MLXIP: variants seen among roughly 807,000 people sequenced by gnomAD.
MLXIP encodes the protein MLX interacting protein, also known as MLX-interacting protein.
A neutral mutation model predicts 87.2 loss-of-function variants in MLXIP; 30 were observed. The observed-to-expected ratio is 0.34, with a 90% CI of 0.26 to 0.47. MLXIP has a LOEUF of 0.47. MLXIP is among the 20% of genes least tolerant of loss of function. The pLI is 1.00. For synonymous variants in MLXIP, 530 were observed against 514.0 expected (o/e 1.03, Z -0.42); for missense variants, 1,002 against 1,240.1 (o/e 0.81, Z 2.88).
rs1222367319 is a variant in MLXIP at position 122,130,837 on chromosome 12, C to A, written c.911-7C>A. 1 of 1,608,382 alleles carries A rather than the reference C, an allele frequency of 6.2e-7. No individual in the cohort carries two copies. On this transcript the variant is annotated splice_polypyrimidine_tract_variant and splice_region_variant and intron_variant, in intron 6 of 16. Coordinates refer to ENST00000319080, the MANE Select transcript of MLXIP (RefSeq NM_014938.6). ...CAAAATGGTTCCTCTCTCTGTGATT[C>A]TTGCAGCACATCTGGGAAATGCAGA...
At chr12:122,080,592 T>C (rs1014565079) in intron 1 of MLXIP, among the ~76,000 whole-genome samples, 1 of 152,188 alleles carries the variant, frequency 6.6e-6, no homozygotes. Flanking sequence ...TCTTGAAGGT[T>C]TCCCTGATGA....
chr12:122,083,448 CA>C (rs1195676973), intron 1 of MLXIP, among the ~76,000 whole-genome samples: 1 of 151,152 alleles, frequency 6.6e-6, no homozygotes, highest in African/African-American at 2.4e-5. Context: ...GAGTTTCGCT[CA>C]TGTTGCCCAG....
chr12:122,099,216 AG>A (rs1251178788), intron 1 of MLXIP, among the ~76,000 whole-genome samples: 1 of 152,216 alleles, frequency 6.6e-6, no homozygotes, highest in Non-Finnish European at 1.5e-5. Context: ...CAGCTGGCCT[AG>A]GCAACAGAGC....
chr12:122,082,262 G>A (rs555417439), intron 1 of MLXIP, among the ~76,000 whole-genome samples: 5 of 152,362 alleles, frequency 3.3e-5, no homozygotes, highest in East Asian at 3.9e-4. Flanking sequence ...GCCCTGTGGC[G>A]AAGGGTCTTG....
chr12:122,081,622 G>A (rs1952092239), intron 1 of MLXIP, among the ~76,000 whole-genome samples: 1 of 152,078 alleles, frequency 6.6e-6, no homozygotes, highest in Non-Finnish European at 1.5e-5. Flanking sequence ...AGGAGTTCAA[G>A]ATCAGCCTGG....
intron 1 of MLXIP, among the ~76,000 whole-genome samples, chr12:122,095,024 TTG>T (rs1952329019): frequency 1.5e-5 from 2 of 129,750 alleles, no homozygotes; most frequent in Admixed American, 7.9e-5. Context: ...TGTTGGTGTG[TTG>T]TGTGTGTGGG....
chr12:122,138,895 A>T lies in MLXIP; in HGVS notation c.2465A>T (p.Glu822Val). The T allele has an allele frequency of 6.2e-7, 1 of 1,614,060 alleles. No homozygotes were observed. The highest frequency in any genetic ancestry group is 8.5e-7 in the Non-Finnish European group (1 of 1,179,900). The stretch of plus-strand genomic sequence containing the variant: ...GATCACATGAAAGACATGTTTGACG[A>T]ATACGTGAAAACCCGGACCTTGCAG... ...QFDHMKDMFDEYVKTRTLQNW... is the reference protein window; with the variant it reads ...QFDHMKDMFDVYVKTRTLQNW... Residue 822 changes from glutamate to valine, a missense_variant, in exon 15 of 17, where the codon GAA (glutamate) becomes GTA (valine). Transcript: ENST00000319080.
rs370722324 is a variant in MLXIP at position 122,137,438 on chromosome 12, T to A, written c.2033-31T>A. 1.7e-5 allele frequency: 27 copies of A among 1,599,616 alleles called. No individual in the cohort carries two copies. The African/African-American group carries it at 3.2e-4, about 19-fold the overall frequency. ...CCTGGTGGCGTTGAGGGGCCAGGCC[T>A]CCGCCCCTCAGAGGAGTCTGTTCTT... On this transcript the variant is annotated intron_variant, in intron 11 of 16. Coordinates refer to ENST00000319080, the MANE Select transcript of MLXIP (RefSeq NM_014938.6). This position sits in a 1 kb window ranked among gnomAD's most constrained non-coding sequence, Gnocchi z 4.1.
intron 1 of MLXIP, among the ~76,000 whole-genome samples, chr12:122,081,733 G>T (rs961443443): frequency 6.6e-6 from 1 of 152,178 alleles, no homozygotes; most frequent in African/African-American, 2.4e-5. Flanking sequence ...GAGCCTGTCT[G>T]GCTTCCATCC....
Position 122,141,088 on chromosome 12 carries a change from G to GT in MLXIP, c.2638+6dup. On this transcript the variant is annotated splice_donor_region_variant and intron_variant, in intron 16 of 16. Transcript: ENST00000319080. ...CCCTGCCCATCCTCAGGCCGAGTGA[G>GT]TGGGGCAGTGCCAGGGTGGGGGGCT... The GT allele has an allele frequency of 6.2e-7, 1 of 1,606,460 alleles. No individual in the cohort carries two copies. Among genetic ancestry groups the GT allele is most frequent in the East Asian group, 2.2e-5 (1 of 44,784 alleles).
chr12:122,079,935 G>A (rs1161420741), intron 1 of MLXIP, among the ~76,000 whole-genome samples: 1 of 152,190 alleles, frequency 6.6e-6, no homozygotes, highest in Non-Finnish European at 1.5e-5. Flanking sequence ...TGTTGGAGGT[G>A]CAGTCTGTCC....
intron 1 of MLXIP, among the ~76,000 whole-genome samples, chr12:122,104,922 G>A (rs1952497349): frequency 6.6e-6 from 1 of 152,106 alleles, no homozygotes; most frequent in Admixed American, 6.6e-5. Context: ...TTCCCCCCGT[G>A]GCTCTGACCT....
chr12:122,130,051 C>T lies in MLXIP; in HGVS notation c.849C>T (p.Asp283=), dbSNP rs1420431897. 4.3e-6 allele frequency: 7 copies of T among 1,613,854 alleles called. No individual in the cohort carries two copies. Among genetic ancestry groups the T allele is most frequent in the South Asian group, 2.2e-5 (2 of 91,078 alleles). Residue 283 remains aspartate, a synonymous_variant, in exon 6 of 17, where the codon GAC becomes GAT. Coordinates refer to ENST00000319080, the MANE Select transcript of MLXIP (RefSeq NM_014938.6). The part of the protein sequence containing the change: ...DTDMLMSEFS[D]TLFSTLSSHQ... ...ACATGCTCATGTCGGAATTCAGCGA[C>T]ACCCTCTTCTCCACACTTTCTTCAC...
At chr12:122,134,254 G>T in intron 9 of MLXIP, 1 of 469,924 alleles carries the variant, frequency 2.1e-6, no homozygotes, top group South Asian at 3.5e-5. Context: ...GAGTGCAGTG[G>T]CATAATCTCG....
rs1290800310 is a variant in MLXIP at position 122,127,895 on chromosome 12, G to A, written c.533G>A (p.Arg178His). The change falls in exon 3 of 17, where the codon CGC becomes CAC. Residue 178 changes from arginine (R) to histidine (H), a missense_variant. Physicochemically the swap from Arg to His is conservative, Grantham distance 29. Transcript: ENST00000319080. ...TCTCTCTGCTCAGATCTGGAGAAGC[G>A]CAAGAATCCTGTGTGCCACTTTGTG... ...RAWYMQYLEK[R>H]KNPVCHFVTP... The A allele has an allele frequency of 9.9e-6, 16 of 1,613,614 alleles. No homozygotes were observed. The highest frequency in any genetic ancestry group is 1.6e-4 in the Middle Eastern group (1 of 6,082).
chr12:122,116,655 A>G (rs1237149056), intron 1 of MLXIP, among the ~76,000 whole-genome samples: 3 of 152,160 alleles, frequency 2.0e-5, no homozygotes, highest in African/African-American at 7.2e-5. Flanking sequence ...AAGTCCACTT[A>G]TGGCTTGAAT....
intron 1 of MLXIP, among the ~76,000 whole-genome samples, chr12:122,087,433 G>A (rs915512714): frequency 5.3e-5 from 8 of 152,092 alleles, no homozygotes; most frequent in Non-Finnish European, 1.0e-4. Context: ...GGGTAGAGAA[G>A]TCCTCTGGGG....
At chr12:122,094,169 G>T (rs897675954) in intron 1 of MLXIP, among the ~76,000 whole-genome samples, 37 of 140,164 alleles carry the variant, frequency 2.6e-4, no homozygotes, top group African/African-American at 1.0e-3. Context: ...TGCAGTGTCT[G>T]TGTGTGGTGT....
intron 6 of MLXIP, among the ~76,000 whole-genome samples, chr12:122,130,413 G>A (rs1208451788): frequency 6.6e-6 from 1 of 151,810 alleles, no homozygotes; most frequent in African/African-American, 2.4e-5. Context: ...TTCTCTTCAC[G>A]GGGTACGTGT....
Sources: allele counts gnomAD v4.1 joint callset (sites outside exome capture counted in the v4.1 genomes callset), GRCh38; gene constraint gnomAD v4.1.1; non-coding constraint Gnocchi (gnomAD v3.1); transcripts MANE v1.5; gene names NCBI Gene and HGNC (gene_info 2026-07-23, HGNC 2026-07-21).